The following DDX19B variants were observed in gnomAD, a reference collection of about 807,000 sequenced individuals.
DDX19B encodes the protein ATP-dependent RNA helicase DDX19B.
In DDX19B, 27 loss-of-function variants were observed where a neutral mutation model predicts 58.1. The observed-to-expected ratio is 0.46, with a 90% CI of 0.34 to 0.64. The LOEUF (loss-of-function observed/expected upper bound fraction) is 0.64. DDX19B is among the 30% of genes least tolerant of loss of function. The pLI is 0.01. For missense variants in DDX19B, 399 were observed against 596.5 expected (o/e 0.67, Z 3.45); for synonymous variants, 187 against 214.4 (o/e 0.87, Z 1.12).
chr16:70,322,271 G>A (rs1176983291), intron 5 of DDX19B, among the ~76,000 whole-genome samples: 1 of 152,040 alleles, frequency 6.6e-6, no homozygotes, highest in Non-Finnish European at 1.5e-5. Context: ...GAATCTAGAT[G>A]TTTAAACAGA....
At chr16:70,294,850 C>A (rs1436124337), upstream of DDX19B, 1 of 1,520,172 alleles carries the variant, frequency 6.6e-7, no homozygotes, top group Admixed American at 2.1e-5. Context: ...GCCGCGATGG[C>A]TGGGGCTGCC....
intron 1 of DDX19B, among the ~76,000 whole-genome samples, chr16:70,304,904 G>T (rs897202821): frequency 6.6e-6 from 1 of 151,716 alleles, no homozygotes; most frequent in African/African-American, 2.4e-5. Flanking sequence ...ACAATACCCT[G>T]TACGGCTTTC....
chr16:70,323,011 T>G (rs1488747002), intron 5 of DDX19B, among the ~76,000 whole-genome samples: 1 of 150,142 alleles, frequency 6.7e-6, no homozygotes, highest in African/African-American at 2.5e-5. Flanking sequence ...ATGTTTCTTC[T>G]GTTTGTTTGT....
intron 11 of DDX19B, 150 bp from the exon 12 acceptor site, chr16:70,333,371 G>T (rs1046805511): frequency 2.3e-6 from 3 of 1,314,654 alleles, no homozygotes; most frequent in Non-Finnish European, 3.2e-6. Context: ...GCTTCGGGGC[G>T]TGGGGCTCTG....
rs778295150 is a variant in DDX19B, at chr16:70,329,968, A to C, written c.923A>C (p.Lys308Thr). The change falls in exon 9 of 12, where the codon AAG becomes ACG. Residue 308 changes from lysine to threonine, a missense_variant. By Grantham distance (78) the Lys-to-Thr change is moderately conservative (BLOSUM62 -1). This residue lies in a region of DDX19B where 198 missense variants were observed against 345.9 expected (regional missense o/e 0.57). Transcript: ENST00000288071. Reference sequence around the variant, plus strand: ...GAGGAAGAGACCCTGGACACCATCAAGCAGTACTATGTCCTGTGCAGCAGC... The same window carrying C: ...GAGGAAGAGACCCTGGACACCATCACGCAGTACTATGTCCTGTGCAGCAGC... Reference protein sequence around the residue: ...KREEETLDTIKQYYVLCSSRD... With the variant: ...KREEETLDTITQYYVLCSSRD... 6.2e-7 allele frequency: 1 copy of C among 1,614,208 alleles called. No individual in the cohort carries two copies. The highest frequency in any genetic ancestry group is 1.1e-5 in the South Asian group (1 of 91,082).
chr16:70,294,791 T>C (rs1961159206), upstream of DDX19B: 1 of 1,376,880 alleles, frequency 7.3e-7, no homozygotes, highest in Non-Finnish European at 9.6e-7. Context: ...AGGCTCCGGC[T>C]TGGCCAGTGC....
chr16:70,321,471 A>G (rs908620879), intron 5 of DDX19B, among the ~76,000 whole-genome samples: 1 of 152,344 alleles, frequency 6.6e-6, no homozygotes, highest in East Asian at 1.9e-4. Flanking sequence ...CATTATTACT[A>G]GAATTATCTA....
At chr16:70,317,750 C>A (rs1222420091) in intron 5 of DDX19B, 162 bp downstream of exon 5, 1 of 452,024 alleles carries the variant, frequency 2.2e-6, no homozygotes, top group Non-Finnish European at 3.9e-6. Context: ...CCAGCCTGGG[C>A]GATGTAGCAA....
intron 10 of DDX19B, 56 bp from the exon 11 acceptor site, chr16:70,332,912 T>G: frequency 6.2e-7 from 1 of 1,614,142 alleles, no homozygotes; most frequent in Non-Finnish European, 8.5e-7. Flanking sequence ...ATGGACCACA[T>G]GACTGATTTG....
intron 1 of DDX19B, among the ~76,000 whole-genome samples, chr16:70,301,679 T>C (rs1961491972): frequency 6.6e-6 from 1 of 151,730 alleles, no homozygotes; most frequent in Non-Finnish European, 1.5e-5. Context: ...ACTTTCTCTC[T>C]TTCTTTCTCT....
chr16:70,327,129 T>C (rs952520898), intron 7 of DDX19B, among the ~76,000 whole-genome samples: 4 of 151,738 alleles, frequency 2.6e-5, no homozygotes, highest in Non-Finnish European at 5.9e-5. Flanking sequence ...CCACTGCGCC[T>C]GGCCGCCTTC....
intron 5 of DDX19B, among the ~76,000 whole-genome samples, chr16:70,323,755 T>C (rs981534190): frequency 3.9e-5 from 6 of 152,136 alleles, no homozygotes; most frequent in Non-Finnish European, 7.3e-5. Flanking sequence ...TCTTGCCACC[T>C]TCAAGGCAAG....
intron 5 of DDX19B, among the ~76,000 whole-genome samples, chr16:70,322,195 T>TG (rs1962866871): frequency 6.6e-6 from 1 of 151,578 alleles, no homozygotes; most frequent in Non-Finnish European, 1.5e-5. Context: ...AAGGGCAAAA[T>TG]TAAAAAAGAA....
At chr16:70,329,710 C>T in intron 8 of DDX19B, 121 bp from the exon 9 acceptor site, 1 of 1,397,966 alleles carries the variant, frequency 7.2e-7, no homozygotes, top group African/African-American at 1.4e-5. Context: ...TGCTCCTCCT[C>T]CCCAAGACGC....
chr16:70,299,484 G>C, intron 1 of DDX19B, 130 bp downstream of exon 1: 1 of 1,125,918 alleles, frequency 8.9e-7, no homozygotes, highest in Non-Finnish European at 1.2e-6. Flanking sequence ...ATGGAGCCTG[G>C]ACCCTGAGCT....
chr16:70,321,615 T>C (rs1001653686), intron 5 of DDX19B, among the ~76,000 whole-genome samples: 3 of 152,236 alleles, frequency 2.0e-5, no homozygotes, highest in African/African-American at 4.8e-5. Flanking sequence ...TAGTTTGAAA[T>C]ATAGCTAATT....
At chr16:70,307,929 ATTAT>A (rs955878458) in intron 1 of DDX19B, among the ~76,000 whole-genome samples, 22 of 150,036 alleles carry the variant, frequency 1.5e-4, no homozygotes, top group African/African-American at 3.7e-4. Flanking sequence ...ATTTAAATTT[ATTAT>A]TTATTTATGT....
intron 1 of DDX19B, among the ~76,000 whole-genome samples, chr16:70,301,682 CTT>C (rs1022526688): frequency 2.0e-5 from 3 of 148,302 alleles, no homozygotes; most frequent in African/African-American, 7.5e-5. Context: ...TTCTCTCTTT[CTT>C]TCTCTCTCTC....
At chr16:70,329,713 C>A in intron 8 of DDX19B, 118 bp from the exon 9 acceptor site, 2 of 1,415,328 alleles carry the variant, frequency 1.4e-6, no homozygotes, top group Non-Finnish European at 1.9e-6. Flanking sequence ...TCCTCCTCCC[C>A]AAGACGCTCC....
Sources: gnomAD v4.1 joint callset for allele counts (sites outside exome capture counted in the v4.1 genomes callset) on GRCh38, gnomAD v4.1.1 for gene constraint, gnomAD v4.1.1 regional missense constraint, MANE v1.5 for transcripts, NCBI Gene and HGNC (gene_info 2026-07-23, HGNC 2026-07-21) for gene names.